The following PCSK5 variants were observed in gnomAD, a reference collection of about 807,000 sequenced individuals.
PCSK5 encodes proprotein convertase subtilisin/kexin type 5.
In PCSK5, 129 loss-of-function variants were observed where a neutral mutation model predicts 233.2. That is an observed-to-expected ratio of 0.55 (90% CI 0.48 to 0.64). PCSK5 has a LOEUF of 0.64. PCSK5 is among the 30% of genes least tolerant of loss of function. The pLI, the probability that PCSK5 is intolerant of heterozygous loss-of-function variation, is 0.00. For synonymous variants in PCSK5, 825 were observed against 879.2 expected, an observed-to-expected ratio of 0.94 and a Z score of 1.09; for missense variants, 2,076 against 2,430.1, an observed-to-expected ratio of 0.85 and a Z score of 3.06.
At chr9:76,246,024 A>G (rs1826579221) in intron 24 of PCSK5, among the ~76,000 whole-genome samples, 1 of 58,260 alleles carries the variant, frequency 1.7e-5, no homozygotes, top group Non-Finnish European at 4.3e-5. Context: ...TGTTCACTGT[A>G]TGGGAAATGC....
intron 20 of PCSK5, among the ~76,000 whole-genome samples, chr9:76,207,103 G>A (rs928875339): frequency 3.3e-5 from 5 of 152,116 alleles, no homozygotes; most frequent in Non-Finnish European, 7.4e-5. Context: ...TTCTTCTGTA[G>A]TAAATTCTCC....
chr9:75,930,507 A>G (rs1309884359), intron 1 of PCSK5, among the ~76,000 whole-genome samples: 1 of 152,312 alleles, frequency 6.6e-6, no homozygotes, highest in East Asian at 1.9e-4. Flanking sequence ...ATTCTGATTT[A>G]CTTTTAAAAA....
intron 24 of PCSK5, among the ~76,000 whole-genome samples, chr9:76,243,941 T>C (rs1024093599): frequency 5.9e-5 from 9 of 152,216 alleles, no homozygotes; most frequent in Non-Finnish European, 1.0e-4. Context: ...TAAATGATTT[T>C]GGCCAAGTGC....
chr9:76,161,652 C>T (rs1587703120), intron 12 of PCSK5, among the ~76,000 whole-genome samples: 2 of 152,116 alleles, frequency 1.3e-5, no homozygotes, highest in African/African-American at 2.4e-5. Context: ...CTGCATATTC[C>T]GCTATTTATT....
chr9:76,046,158 T>TTG (rs1563992885), intron 5 of PCSK5, among the ~76,000 whole-genome samples: 1 of 114,906 alleles, frequency 8.7e-6, no homozygotes, highest in African/African-American at 4.8e-5. Context: ...ATTTTTTCTT[T>TTG]TGTTTTTTTT....
intron 24 of PCSK5, among the ~76,000 whole-genome samples, chr9:76,263,406 A>G (rs1211594801): frequency 1.3e-5 from 2 of 152,246 alleles, no homozygotes; most frequent in African/African-American, 4.8e-5. Context: ...AGACTGGATT[A>G]AGAAAATGTG....
At chr9:76,164,173 C>T (rs938873516) in intron 12 of PCSK5, among the ~76,000 whole-genome samples, 2 of 152,140 alleles carry the variant, frequency 1.3e-5, no homozygotes, top group Non-Finnish European at 2.9e-5. Flanking sequence ...TGTAAGGCAT[C>T]ATGGTATATA....
intron 2 of PCSK5, among the ~76,000 whole-genome samples, chr9:75,978,878 TTC>T (rs1026831939): frequency 3.4e-5 from 5 of 148,500 alleles, no homozygotes; most frequent in East Asian, 2.0e-4. Context: ...CCTTTTTTTT[TTC>T]TTTTTTTCTG....
At chr9:76,052,081 G>GT (rs1356432557) in intron 5 of PCSK5, among the ~76,000 whole-genome samples, 1 of 152,150 alleles carries the variant, frequency 6.6e-6, no homozygotes, top group African/African-American at 2.4e-5. Flanking sequence ...AGCATGGCAG[G>GT]TTAAATCTGG....
intron 5 of PCSK5, among the ~76,000 whole-genome samples, chr9:76,065,456 G>A (rs1419959629): frequency 6.6e-6 from 1 of 152,026 alleles, no homozygotes; most frequent in East Asian, 1.9e-4. Context: ...CCAATTATAT[G>A]TCTTCTTTTG....
At chr9:76,062,217 C>T (rs1056918714) in intron 5 of PCSK5, among the ~76,000 whole-genome samples, 14 of 151,938 alleles carry the variant, frequency 9.2e-5, no homozygotes, top group Middle Eastern at 3.2e-3. Context: ...CACTGTACTC[C>T]AGCCTGGGTG....
At chr9:76,227,075 G>T (rs1438760774) in intron 20 of PCSK5, among the ~76,000 whole-genome samples, 7 of 152,040 alleles carry the variant, frequency 4.6e-5, no homozygotes, top group African/African-American at 1.7e-4. Context: ...CCCATGGGGT[G>T]GTAAGAAAAG....
chr9:76,153,774 G>A (rs1176718368), intron 10 of PCSK5, among the ~76,000 whole-genome samples: 1 of 152,064 alleles, frequency 6.6e-6, no homozygotes, highest in African/African-American at 2.4e-5. Context: ...ATGACACTTG[G>A]TGAATTAAAT....
At chr9:76,186,965 C>G (rs1191296674) in intron 17 of PCSK5, among the ~76,000 whole-genome samples, 3 of 152,008 alleles carry the variant, frequency 2.0e-5, no homozygotes, top group African/African-American at 7.2e-5. Context: ...CAGGGTTGAC[C>G]ATTTTGCCTC....
chr9:76,278,111 A>G (rs1827748593), intron 24 of PCSK5, among the ~76,000 whole-genome samples: 1 of 152,160 alleles, frequency 6.6e-6, no homozygotes, highest in South Asian at 2.1e-4. Flanking sequence ...CTGCTACTCC[A>G]ACAAGGCTGC....
At chr9:75,994,400 CTTTTTT>C (rs550518074) in intron 3 of PCSK5, among the ~76,000 whole-genome samples, 11 of 82,018 alleles carry the variant, frequency 1.3e-4, no homozygotes, top group African/African-American at 3.0e-4. Flanking sequence ...TTCTTTCTTT[CTTTTTT>C]TTTTTTTTTT....
chr9:75,984,662 T>C (rs1208524044), intron 2 of PCSK5, among the ~76,000 whole-genome samples: 1 of 152,142 alleles, frequency 6.6e-6, no homozygotes, highest in Non-Finnish European at 1.5e-5. Context: ...AAGTGGAGAA[T>C]TGTGGAATAC....
chr9:76,322,927 T>G (rs34628292), intron 31 of PCSK5, 125 bp from the exon 32 acceptor site: 203,647 of 629,912 alleles, frequency 0.32, 34,412 homozygotes, highest in African/African-American at 0.44. Flanking sequence ...GCAGGGTGGG[T>G]AAAGGGCAAG....
chr9:76,296,038 T>C (rs1245817901), intron 26 of PCSK5, among the ~76,000 whole-genome samples: 1 of 152,220 alleles, frequency 6.6e-6, no homozygotes. Flanking sequence ...CTCTTAACCC[T>C]CTAATGGCCA....
Sources: allele counts gnomAD v4.1 joint callset (sites outside exome capture counted in the v4.1 genomes callset), GRCh38; gene constraint gnomAD v4.1.1; transcripts MANE v1.5; gene names NCBI Gene and HGNC (gene_info 2026-07-23, HGNC 2026-07-21).